RBFOX1: variants seen among roughly 807,000 people sequenced by gnomAD.
RBFOX1 encodes RNA binding fox-1 homolog 1.
Under a neutral mutation model 57.7 loss-of-function variants are expected in RBFOX1, and 8 were observed. The ratio of observed to expected loss-of-function variants is 0.14; its 90% CI spans 0.08 to 0.25. The LOEUF is 0.25. Among genes scored for constraint, RBFOX1 ranks in the 10% least tolerant of loss-of-function variants. The pLI, the probability that RBFOX1 is intolerant of heterozygous loss-of-function variation, is 1.00. For missense variants in RBFOX1, 611 were observed against 548.5 expected, an observed-to-expected ratio of 1.11 and a Z score of -1.14; for synonymous variants, 326 against 222.4, an observed-to-expected ratio of 1.47 and a Z score of -4.15.
chr16:5,276,686 G>C (rs746634352), intron 1 of RBFOX1, among the ~76,000 whole-genome samples: 2 of 152,192 alleles, frequency 1.3e-5, no homozygotes, highest in African/African-American at 4.8e-5. Flanking sequence ...AGGCGGCTGA[G>C]ACAGGAGAAT....
intron 2 of RBFOX1, among the ~76,000 whole-genome samples, chr16:6,324,241 C>T (rs1306123651): frequency 4.2e-5 from 6 of 141,632 alleles, no homozygotes; most frequent in Non-Finnish European, 4.5e-5. Flanking sequence ...TAACTCTTAA[C>T]AACACATTTG....
intron 3 of RBFOX1, among the ~76,000 whole-genome samples, chr16:6,943,618 G>A (rs928528776): frequency 2.6e-5 from 4 of 151,700 alleles, no homozygotes; most frequent in Admixed American, 6.6e-5. Flanking sequence ...TGAGGCAGGA[G>A]AATGGCGTGA....
chr16:6,843,177 C>G (rs539028973), intron 3 of RBFOX1, among the ~76,000 whole-genome samples: 79 of 152,148 alleles, frequency 5.2e-4, no homozygotes, highest in African/African-American at 1.9e-3. Context: ...GCAAAGTTTT[C>G]TATTAGAGTG....
intron 3 of RBFOX1, among the ~76,000 whole-genome samples, chr16:6,961,937 G>A (rs979382974): frequency 1.3e-5 from 2 of 149,330 alleles, no homozygotes; most frequent in African/African-American, 5.0e-5. Flanking sequence ...GCTGTGTCTT[G>A]TGCAGACCTT....
intron 5 of RBFOX1, among the ~76,000 whole-genome samples, chr16:7,540,254 C>A (rs753117279): frequency 6.6e-6 from 1 of 152,146 alleles, no homozygotes; most frequent in South Asian, 2.1e-4. Flanking sequence ...CTGTTTCCCT[C>A]GCTGGAAACT....
chr16:6,511,204 C>G (rs763400941), intron 2 of RBFOX1, among the ~76,000 whole-genome samples: 4 of 152,036 alleles, frequency 2.6e-5, no homozygotes, highest in African/African-American at 2.4e-5. Flanking sequence ...GATGGAGGAG[C>G]GAAGAGTGTG....
At chr16:7,199,211 G>T (rs12709184) in intron 4 of RBFOX1, among the ~76,000 whole-genome samples, 1 of 151,970 alleles carries the variant, frequency 6.6e-6, no homozygotes, top group Non-Finnish European at 1.5e-5. Flanking sequence ...GCATAGAGGG[G>T]GACATTTTAA....
At chr16:6,215,033 G>A (rs187723464) in intron 1 of RBFOX1, among the ~76,000 whole-genome samples, 30 of 135,556 alleles carry the variant, frequency 2.2e-4, no homozygotes, top group African/African-American at 7.5e-4. Flanking sequence ...AAAAGGAAAT[G>A]GAGAGGGAGA....
intron 3 of RBFOX1, among the ~76,000 whole-genome samples, chr16:6,908,238 A>G (rs888350082): frequency 5.3e-5 from 8 of 151,498 alleles, no homozygotes; most frequent in African/African-American, 1.7e-4. Flanking sequence ...CTGGCATTTC[A>G]TCTTCTCTCC....
At chr16:7,687,133 C>A (rs995669792) in intron 14 of RBFOX1, among the ~76,000 whole-genome samples, 6 of 152,130 alleles carry the variant, frequency 3.9e-5, no homozygotes, top group African/African-American at 1.4e-4. Context: ...TGTTTGGTTA[C>A]TTGTCTGTGT....
chr16:7,259,514 A>G (rs1351817365), intron 4 of RBFOX1, among the ~76,000 whole-genome samples: 1 of 152,272 alleles, frequency 6.6e-6, no homozygotes, highest in South Asian at 2.1e-4. Context: ...AACACTGGGA[A>G]CATCATTTAC....
chr16:6,632,024 ATTTGGATAATG>A (rs1312740418), intron 2 of RBFOX1, among the ~76,000 whole-genome samples: 36 of 152,244 alleles, frequency 2.4e-4, no homozygotes, highest in Admixed American at 6.5e-4. Flanking sequence ...ATCACACTCT[ATTTGGATAATG>A]TTTGGATAAT....
intron 2 of RBFOX1, among the ~76,000 whole-genome samples, chr16:6,527,045 C>A (rs1293447314): frequency 6.6e-6 from 1 of 151,960 alleles, no homozygotes; most frequent in African/African-American, 2.4e-5. Context: ...TTAGCCGCCT[C>A]CCAAAAGAAT....
chr16:5,548,174 A>AATAT lies in RBFOX1; in HGVS notation c.259-50700_259-50697dup, dbSNP rs71142629. Among the ~76,000 whole-genome samples, 290 of 33,516 alleles carry AATAT rather than the reference A, an allele frequency of 8.7e-3. 2 individuals carry two copies. Among genetic ancestry groups the AATAT allele is most frequent in the Middle Eastern group, 0.028 (1 of 36 alleles). The allele number at this position is 33,516 out of a possible 152,430, so 22.0% of individuals were successfully genotyped here. On this transcript the variant is annotated intron_variant, in intron 2 of 2. Coordinates refer to the RBFOX1 transcript ENST00000585867. ...AGACTCTGTTAAAAAAAAAAAAAAA[A>AATAT]ATATATATATATATATATATATATA...
chr16:7,542,144 C>T lies in RBFOX1; in HGVS notation c.270+23755C>T, dbSNP rs2063086. Among the ~76,000 whole-genome samples, 677 of 152,274 alleles carry T rather than the reference C, an allele frequency of 4.4e-3. 11 individuals are homozygous for T. Among genetic ancestry groups the T allele is most frequent in the African/African-American group, 0.016 (646 of 41,538 alleles). On this transcript the variant is annotated intron_variant, in intron 5 of 15. Coordinates refer to ENST00000550418, the MANE Select transcript of RBFOX1 (RefSeq NM_018723.4). ...GATGAATGCAACAAGGGCTGGAGCA[C>T]AGAACATTCTGAACGGACTATTACT...
chr16:6,100,240 G>A (rs1337465496), intron 1 of RBFOX1, among the ~76,000 whole-genome samples: 5 of 151,972 alleles, frequency 3.3e-5, no homozygotes, highest in Admixed American at 3.3e-4. Flanking sequence ...TCGGCTCACT[G>A]CAAGCTCCGC....
At chr16:7,425,241 G>A (rs559439245) in intron 4 of RBFOX1, among the ~76,000 whole-genome samples, 2 of 152,176 alleles carry the variant, frequency 1.3e-5, no homozygotes, top group African/African-American at 4.8e-5. Flanking sequence ...TACAGCATGC[G>A]GATTTACAAC....
chr16:7,699,997 T>TA (rs1598414545), intron 14 of RBFOX1, among the ~76,000 whole-genome samples: 2 of 152,244 alleles, frequency 1.3e-5, no homozygotes, highest in East Asian at 1.9e-4. Flanking sequence ...CTCCTGGTGC[T>TA]AGGTGGGTGT....
chr16:5,723,354 G>A (rs1272233344), intron 3 of RBFOX1, among the ~76,000 whole-genome samples: 1 of 151,970 alleles, frequency 6.6e-6, no homozygotes, highest in Non-Finnish European at 1.5e-5. Flanking sequence ...TTGGTCTAAG[G>A]CTGAGTAGTC....
Sources: allele counts gnomAD v4.1 joint callset (sites outside exome capture counted in the v4.1 genomes callset), GRCh38; gene constraint gnomAD v4.1.1; transcripts MANE v1.5; gene names NCBI Gene and HGNC (gene_info 2026-07-23, HGNC 2026-07-21).